NRG3: variants seen among roughly 807,000 people sequenced by gnomAD.
NRG3 encodes pro-neuregulin-3, membrane-bound isoform.
In NRG3, 31 loss-of-function variants were observed where a neutral mutation model predicts 66.9. The ratio of observed to expected loss-of-function variants is 0.46; its 90% confidence interval spans 0.35 to 0.63. The LOEUF (loss-of-function observed/expected upper bound fraction) is 0.63, where lower values mean the gene tolerates loss of function less well. Among genes scored for constraint, NRG3 ranks in the 20% least tolerant of loss-of-function variants. The pLI, the probability that NRG3 is intolerant of heterozygous loss-of-function variation, is 0.00. For synonymous variants in NRG3, 393 were observed against 359.4 expected (o/e 1.09, Z -1.06); for missense variants, 910 against 878.9 (o/e 1.04, Z -0.45).
intron 1 of NRG3, among the ~76,000 whole-genome samples, chr10:82,266,462 G>C (rs779289167): frequency 1.1e-4 from 16 of 152,152 alleles, no homozygotes; most frequent in Non-Finnish European, 2.4e-4. Flanking sequence ...GGGAAGACAA[G>C]CCTCAATAAC....
At chr10:82,125,067 C>T (rs1437379831) in intron 1 of NRG3, among the ~76,000 whole-genome samples, 1 of 152,000 alleles carries the variant, frequency 6.6e-6, no homozygotes, top group Non-Finnish European at 1.5e-5. Context: ...GCTGTCAAAT[C>T]GCCTCATTTT....
intron 1 of NRG3, among the ~76,000 whole-genome samples, chr10:81,891,118 A>T (rs570366237): frequency 3.9e-5 from 6 of 152,338 alleles, no homozygotes; most frequent in Admixed American, 3.3e-4. Context: ...TTCAATTATC[A>T]GTAACGTGCA....
intron 2 of NRG3, among the ~76,000 whole-genome samples, chr10:82,472,530 C>T (rs1841364148): frequency 6.6e-6 from 1 of 152,190 alleles, no homozygotes; most frequent in South Asian, 2.1e-4. Context: ...AATGGGTTAT[C>T]AAGCATCGCC....
chr10:82,375,013 C>T (rs2085124210), intron 2 of NRG3, among the ~76,000 whole-genome samples: 1 of 152,192 alleles, frequency 6.6e-6, no homozygotes, highest in Non-Finnish European at 1.5e-5. Flanking sequence ...CCAACTGTTT[C>T]CACAGGTTTC....
intron 2 of NRG3, among the ~76,000 whole-genome samples, chr10:82,583,739 T>C (rs998742766): frequency 1.9e-4 from 29 of 152,266 alleles, no homozygotes; most frequent in African/African-American, 6.7e-4. Flanking sequence ...GGCCTTCCAC[T>C]CGGTTGAGTG....
At chr10:82,502,645 T>C (rs1251588480) in intron 2 of NRG3, among the ~76,000 whole-genome samples, 2 of 152,224 alleles carry the variant, frequency 1.3e-5, no homozygotes, top group Non-Finnish European at 2.9e-5. Flanking sequence ...ACTTTTTAAG[T>C]GAGTGACTTT....
At chr10:82,534,479 G>T (rs1847623577) in intron 2 of NRG3, among the ~76,000 whole-genome samples, 1 of 151,986 alleles carries the variant, frequency 6.6e-6, no homozygotes. Context: ...TGGCCAGGCT[G>T]GTCTCCAATT....
chr10:82,596,042 A>G (rs1310604523), intron 2 of NRG3, among the ~76,000 whole-genome samples: 2 of 152,192 alleles, frequency 1.3e-5, no homozygotes, highest in African/African-American at 2.4e-5. Flanking sequence ...TGAATTGATG[A>G]ATTAATGAGT....
rs551037848 is a variant in NRG3 at position 81,947,591 on chromosome 10, A to T, written c.823+71428A>T. Among the ~76,000 whole-genome samples, 39 of 151,222 alleles carry T rather than the reference A, an allele frequency of 2.6e-4. 1 individual carries two copies. The highest frequency in any genetic ancestry group is 2.1e-3 in the South Asian group (10 of 4,794). The stretch of plus-strand genomic sequence containing the variant: ...TATAACCTTTGTGCTATCTAATTTG[A>T]CCCGAAAGCCCCAGAGTAGGCATGT... On this transcript the variant is annotated intron_variant, in intron 1 of 8. Transcript: ENST00000372141.
intron 1 of NRG3, among the ~76,000 whole-genome samples, chr10:81,971,500 C>A (rs1367044318): frequency 6.6e-6 from 1 of 152,186 alleles, no homozygotes; most frequent in Non-Finnish European, 1.5e-5. Context: ...CAGGGACTTA[C>A]ACTTCTGGCC....
chr10:82,354,120 G>A lies in NRG3; in HGVS notation c.824-4619G>A, dbSNP rs2083619768. ...CGCAATACCAGCTCACTGCAACCTC[G>A]ACCTCCTGGGCTCAGGTGATCCTCC... On this transcript the variant is annotated intron_variant, in intron 1 of 8. Coordinates refer to ENST00000372141, the MANE Select transcript of NRG3 (RefSeq NM_001010848.4). 2.9e-5 allele frequency among the ~76,000 whole-genome samples: 4 copies of A among 136,058 alleles called. No individual in the cohort carries two copies. The South Asian group carries it at 9.7e-4, about 33-fold the overall frequency. 89.3% of individuals were successfully genotyped at this position (136,058 alleles called of 152,430 possible).
At chr10:82,431,420 G>T (rs1416309924) in intron 2 of NRG3, among the ~76,000 whole-genome samples, 1 of 152,144 alleles carries the variant, frequency 6.6e-6, no homozygotes, top group African/African-American at 2.4e-5. Context: ...TAGTGAAAAT[G>T]CCATAAAGCT....
chr10:82,034,614 A>C (rs935380314), intron 1 of NRG3, among the ~76,000 whole-genome samples: 1 of 152,092 alleles, frequency 6.6e-6, no homozygotes, highest in African/African-American at 2.4e-5. Context: ...CTGACTTATG[A>C]AAGCAACTGG....
intron 3 of NRG3, among the ~76,000 whole-genome samples, chr10:82,841,569 G>T (rs2348553): frequency 6.6e-6 from 1 of 151,934 alleles, no homozygotes; most frequent in Non-Finnish European, 1.5e-5. Context: ...ATTCAGGCAG[G>T]AGTTGGTACT....
chr10:82,928,474 CT>C (rs1225970187), intron 4 of NRG3, among the ~76,000 whole-genome samples: 1 of 152,020 alleles, frequency 6.6e-6, no homozygotes, highest in East Asian at 1.9e-4. Context: ...AGTTTTAGGT[CT>C]TAAGTTTAAG....
chr10:82,635,413 A>G (rs1251861271), intron 2 of NRG3, among the ~76,000 whole-genome samples: 1 of 152,128 alleles, frequency 6.6e-6, no homozygotes, highest in Non-Finnish European at 1.5e-5. Flanking sequence ...GTAAGAATAC[A>G]TGCCCATGAT....
intron 1 of NRG3, among the ~76,000 whole-genome samples, chr10:82,216,070 C>T (rs1362509280): frequency 9.5e-5 from 11 of 115,644 alleles, no homozygotes; most frequent in South Asian, 2.7e-4. Context: ...CAGGTTCAAG[C>T]GATTCTCCTG....
At chr10:82,309,182 GA>G in intron 1 of NRG3, among the ~76,000 whole-genome samples, 1 of 152,304 alleles carries the variant, frequency 6.6e-6, no homozygotes, top group East Asian at 1.9e-4. Context: ...TTTCGGGACT[GA>G]AGGAGAGCAC....
intron 1 of NRG3, among the ~76,000 whole-genome samples, chr10:81,926,965 T>C (rs935965439): frequency 4.6e-5 from 7 of 152,212 alleles, no homozygotes; most frequent in African/African-American, 1.7e-4. Flanking sequence ...GAGCATGCTC[T>C]GGATTTTATG....
Sources: allele counts gnomAD v4.1 joint callset (sites outside exome capture counted in the v4.1 genomes callset), GRCh38; gene constraint gnomAD v4.1.1; transcripts MANE v1.5; gene names NCBI Gene and HGNC (gene_info 2026-07-23, HGNC 2026-07-21).